The following NUBPL variants were observed in gnomAD, a reference collection of about 807,000 sequenced individuals.
NUBPL encodes the protein NUBP iron-sulfur cluster assembly factor, mitochondrial.
In NUBPL, 31 loss-of-function variants were observed where a neutral mutation model predicts 45.7. The ratio of observed to expected loss-of-function variants is 0.68; its 90% CI spans 0.51 to 0.92. The LOEUF is 0.92. Ranked by LOEUF, NUBPL falls within the 40% of genes least tolerant of loss-of-function variation. The pLI, the probability that NUBPL is intolerant of heterozygous loss-of-function variation, is 0.00. For synonymous variants in NUBPL, 144 were observed against 140.9 expected, an observed-to-expected ratio of 1.02 and a Z score of -0.15; for missense variants, 401 against 398.7, an observed-to-expected ratio of 1.01 and a Z score of -0.05.
intron 8 of NUBPL, among the ~76,000 whole-genome samples, chr14:31,836,766 CAT>C (rs1249484927): frequency 1.3e-5 from 2 of 152,086 alleles, no homozygotes; most frequent in Non-Finnish European, 2.9e-5. Flanking sequence ...CCACTGTTTG[CAT>C]ATGTTAATTA....
chr14:31,631,958 C>T (rs1459730264), intron 4 of NUBPL, among the ~76,000 whole-genome samples: 3 of 152,144 alleles, frequency 2.0e-5, no homozygotes, highest in Non-Finnish European at 4.4e-5. Flanking sequence ...AATTAATCAT[C>T]ATACTCCTCA....
chr14:31,660,181 G>A (rs1264525417), intron 4 of NUBPL, among the ~76,000 whole-genome samples: 1 of 152,102 alleles, frequency 6.6e-6, no homozygotes, highest in Non-Finnish European at 1.5e-5. Flanking sequence ...CAGGTTGATG[G>A]CTCAAGTTTT....
intron 4 of NUBPL, among the ~76,000 whole-genome samples, chr14:31,650,845 A>T (rs368452841): frequency 6.6e-6 from 1 of 152,148 alleles, no homozygotes; most frequent in Non-Finnish European, 1.5e-5. Flanking sequence ...GCTTCTACTC[A>T]TGGTAAAGGA....
At chr14:31,611,036 C>T (rs1375849914) in intron 4 of NUBPL, among the ~76,000 whole-genome samples, 2 of 152,122 alleles carry the variant, frequency 1.3e-5, no homozygotes, top group African/African-American at 2.4e-5. Context: ...AGGATGCCCA[C>T]GTTCACCACT....
At chr14:31,749,263 TTC>T (rs2038468882) in intron 6 of NUBPL, among the ~76,000 whole-genome samples, 1 of 152,180 alleles carries the variant, frequency 6.6e-6, no homozygotes, top group Non-Finnish European at 1.5e-5. Flanking sequence ...AAGGTTTGAT[TTC>T]TCTCTTTTTC....
intron 6 of NUBPL, among the ~76,000 whole-genome samples, chr14:31,727,280 C>T (rs1332322267): frequency 6.6e-6 from 1 of 152,124 alleles, no homozygotes. Flanking sequence ...ATGATGAATT[C>T]AAGTTGATTA....
At chr14:31,774,200 T>C (rs751987424) in intron 6 of NUBPL, among the ~76,000 whole-genome samples, 1 of 152,212 alleles carries the variant, frequency 6.6e-6, no homozygotes, top group African/African-American at 2.4e-5. Context: ...CTGGCTCACA[T>C]TGGCCTTGCT....
At chr14:31,815,419 CT>C (rs1278484438) in intron 7 of NUBPL, among the ~76,000 whole-genome samples, 12 of 152,250 alleles carry the variant, frequency 7.9e-5, no homozygotes, top group African/African-American at 2.6e-4. Context: ...TGCTGATCAG[CT>C]TAAGGAGATT....
chr14:31,743,911 G>A (rs1479286639), intron 6 of NUBPL, among the ~76,000 whole-genome samples: 1 of 152,138 alleles, frequency 6.6e-6, no homozygotes, highest in Admixed American at 6.5e-5. Flanking sequence ...AAAGAGCCCC[G>A]CTCTTCAAGT....
At chr14:31,604,844 G>C (rs964440112) in intron 4 of NUBPL, among the ~76,000 whole-genome samples, 1 of 152,126 alleles carries the variant, frequency 6.6e-6, no homozygotes, top group African/African-American at 2.4e-5. Flanking sequence ...TAATAGTTTT[G>C]AGTTTCTTAG....
intron 6 of NUBPL, among the ~76,000 whole-genome samples, chr14:31,730,727 A>G (rs981356161): frequency 6.6e-6 from 1 of 152,136 alleles, no homozygotes; most frequent in Non-Finnish European, 1.5e-5. Context: ...TGGCCTCCCA[A>G]AGTGCTGGGA....
intron 6 of NUBPL, among the ~76,000 whole-genome samples, chr14:31,776,421 A>G (rs1306344272): frequency 6.6e-6 from 1 of 152,108 alleles, no homozygotes; most frequent in Non-Finnish European, 1.5e-5. Flanking sequence ...GAAGCACCAG[A>G]TTTTTACACT....
chr14:31,583,721 G>C (rs1487317131), intron 3 of NUBPL, among the ~76,000 whole-genome samples: 1 of 152,138 alleles, frequency 6.6e-6, no homozygotes, highest in Non-Finnish European at 1.5e-5. Context: ...GTGGATACTG[G>C]AGATCAGGTT....
chr14:31,839,776 G>A (rs750403367), intron 8 of NUBPL, among the ~76,000 whole-genome samples: 3 of 152,124 alleles, frequency 2.0e-5, no homozygotes, highest in Non-Finnish European at 2.9e-5. Flanking sequence ...TTTTAAATGG[G>A]TGAAGGATCT....
rs571126384 is a variant in NUBPL at position 31,755,002 on chromosome 14, T to A, written c.514-32778T>A. Reference sequence around the variant, plus strand: ...CTGAAAATGATGATTTCCAATTTCATCCATGTCCCTACAAAGGACATGAAC... The same window carrying A: ...CTGAAAATGATGATTTCCAATTTCAACCATGTCCCTACAAAGGACATGAAC... On this transcript the variant is annotated intron_variant, in intron 6 of 10. Transcript: ENST00000281081. 1.3e-5 allele frequency among the ~76,000 whole-genome samples: 2 copies of A among 151,790 alleles called. 1 individual carries two copies. Among genetic ancestry groups the A allele is most frequent in the African/African-American group, 4.8e-5 (2 of 41,264 alleles).
intron 7 of NUBPL, among the ~76,000 whole-genome samples, chr14:31,815,851 A>C (rs2039904445): frequency 6.6e-6 from 1 of 152,190 alleles, no homozygotes; most frequent in Non-Finnish European, 1.5e-5. Flanking sequence ...TGATTTGCAT[A>C]TATTTAACCA....
At chr14:31,595,378 G>T (rs918486364) in intron 3 of NUBPL, among the ~76,000 whole-genome samples, 6 of 152,206 alleles carry the variant, frequency 3.9e-5, no homozygotes, top group Admixed American at 3.3e-4. Context: ...TGACATTAAA[G>T]ATGACAATCA....
At chr14:31,605,852 TTCTCCTTCCTTG>T (rs2034576493) in intron 4 of NUBPL, among the ~76,000 whole-genome samples, 1 of 145,474 alleles carries the variant, frequency 6.9e-6, no homozygotes, top group African/African-American at 2.6e-5. Context: ...TCCTCCTCCC[TTCTCCTTCCTTG>T]TCTCCTCCCT....
chr14:31,561,673 G>A, intron 1 of NUBPL, 126 bp downstream of exon 1: 1 of 662,766 alleles, frequency 1.5e-6, no homozygotes, highest in East Asian at 3.1e-5. Flanking sequence ...TGTGCTGGAC[G>A]TGCCTACTTT....
Sources: allele counts gnomAD v4.1 joint callset (sites outside exome capture counted in the v4.1 genomes callset), GRCh38; gene constraint gnomAD v4.1.1; transcripts MANE v1.5; gene names NCBI Gene and HGNC (gene_info 2026-07-23, HGNC 2026-07-21).